Variants in ZNF536 observed in about 807,000 individuals in gnomAD.
The protein encoded by ZNF536 is zinc finger protein 536.
Under a neutral mutation model 84.5 loss-of-function variants are expected in ZNF536, and 13 were observed. That is an observed-to-expected ratio of 0.15 (90% CI 0.10 to 0.24). The LOEUF is 0.24. Ranked by LOEUF, ZNF536 falls within the 10% of genes least tolerant of loss-of-function variation. The pLI, the probability that ZNF536 is intolerant of heterozygous loss-of-function variation, is 1.00. For missense variants in ZNF536, 1,536 were observed against 1,747.5 expected, an observed-to-expected ratio of 0.88 and a Z score of 2.16; for synonymous variants, 811 against 742.5, an observed-to-expected ratio of 1.09 and a Z score of -1.50.
chr19:30,574,532 G>C (rs1338347922), intron 1 of ZNF536, among the ~76,000 whole-genome samples: 1 of 152,252 alleles, frequency 6.6e-6, no homozygotes, highest in East Asian at 1.9e-4. Context: ...CCAAGGTCCA[G>C]CCAAAGACAT....
chr19:30,312,606 GT>G (rs1334818771), intron 2 of ZNF536, among the ~76,000 whole-genome samples: 3 of 152,164 alleles, frequency 2.0e-5, no homozygotes, highest in Non-Finnish European at 4.4e-5. Context: ...AGTATTTTCT[GT>G]CTTTGAAAGA....
At chr19:30,708,078 T>C (rs1292763154) in intron 1 of ZNF536, among the ~76,000 whole-genome samples, 4 of 151,072 alleles carry the variant, frequency 2.6e-5, no homozygotes, top group Non-Finnish European at 5.9e-5. Flanking sequence ...TACAAGAATA[T>C]AATTAATAAT....
chr19:30,556,394 G>C (rs1182841706), intron 4 of ZNF536: 1 of 152,246 alleles, frequency 6.6e-6, no homozygotes, highest in Non-Finnish European at 1.5e-5. Flanking sequence ...ACCTGGAGTG[G>C]GCTCTCCCCA....
At chr19:30,386,258 G>T (rs775321828) in intron 1 of ZNF536, among the ~76,000 whole-genome samples, 2 of 152,210 alleles carry the variant, frequency 1.3e-5, no homozygotes, top group Non-Finnish European at 2.9e-5. Flanking sequence ...CAATTCTCAC[G>T]CTGCTCTGAG....
intron 3 of ZNF536, among the ~76,000 whole-genome samples, chr19:30,359,726 G>C (rs1394939077): frequency 6.6e-6 from 1 of 152,178 alleles, no homozygotes; most frequent in Non-Finnish European, 1.5e-5. Flanking sequence ...GGCTGCTTGG[G>C]AAAACACTTC....
At chr19:30,461,638 C>G (rs1403714783) in intron 2 of ZNF536, among the ~76,000 whole-genome samples, 3 of 152,076 alleles carry the variant, frequency 2.0e-5, no homozygotes, top group African/African-American at 7.3e-5. Flanking sequence ...GGGGAAGAGG[C>G]CCTCTGAGGC....
intron 1 of ZNF536, among the ~76,000 whole-genome samples, chr19:30,400,637 T>C (rs1186240750): frequency 2.0e-5 from 3 of 152,146 alleles, no homozygotes; most frequent in Non-Finnish European, 4.4e-5. Context: ...TCATAGCTCA[T>C]TGCAGCCTTC....
upstream of ZNF536, chr19:30,372,358 CT>C (rs757413000): frequency 2.0e-5 from 3 of 152,394 alleles, no homozygotes; most frequent in East Asian, 1.9e-4. Flanking sequence ...GGAGCCGCCC[CT>C]GGTACTGCCG....
intron 2 of ZNF536, among the ~76,000 whole-genome samples, chr19:30,506,001 T>A (rs73022877): frequency 0.097 from 14,723 of 151,776 alleles, 974 homozygotes; most frequent in Non-Finnish European, 0.15. Context: ...ATCTGTTGAT[T>A]TTTTTTAGAA....
At chr19:30,454,010 G>T (rs1452274425) in intron 2 of ZNF536, among the ~76,000 whole-genome samples, 1 of 152,252 alleles carries the variant, frequency 6.6e-6, no homozygotes, top group Admixed American at 6.5e-5. Context: ...ACGGTGCCCA[G>T]CCAGGAGGCT....
intron 1 of ZNF536, among the ~76,000 whole-genome samples, chr19:30,282,648 C>A (rs1013815101): frequency 2.6e-5 from 4 of 152,120 alleles, no homozygotes; most frequent in Non-Finnish European, 5.9e-5. Flanking sequence ...TAGAGCAAAG[C>A]AAATAAGTGT....
chr19:30,537,433 G>A (rs955646494), intron 3 of ZNF536, among the ~76,000 whole-genome samples: 2 of 152,162 alleles, frequency 1.3e-5, no homozygotes, highest in African/African-American at 4.8e-5. Context: ...TGTATTTCAT[G>A]TCGACACAGA....
At chr19:30,498,238 G>T (rs1036633054) in intron 2 of ZNF536, among the ~76,000 whole-genome samples, 1 of 152,268 alleles carries the variant, frequency 6.6e-6, no homozygotes, top group East Asian at 1.9e-4. Flanking sequence ...CACATATACA[G>T]CATGGAATAC....
intron 1 of ZNF536, among the ~76,000 whole-genome samples, chr19:30,264,130 C>T (rs964141683): frequency 1.3e-5 from 2 of 152,170 alleles, no homozygotes; most frequent in African/African-American, 2.4e-5. Context: ...ACCATGGTGG[C>T]GCTCCCAGCC....
At chr19:30,344,440 CAA>C (rs10628847) in intron 2 of ZNF536, among the ~76,000 whole-genome samples, 901 of 69,094 alleles carry the variant, frequency 0.013, 14 homozygotes, top group African/African-American at 0.049. Context: ...AACTCCATCT[CAA>C]AAAAAAAAAA....
chr19:30,507,547 A>C (rs10416521), intron 2 of ZNF536, among the ~76,000 whole-genome samples: 1 of 152,304 alleles, frequency 6.6e-6, no homozygotes, highest in South Asian at 2.1e-4. Context: ...ACAGAAACTT[A>C]GAGTTTGAAA....
chr19:30,634,644 C>T (rs1359532839), intron 1 of ZNF536, among the ~76,000 whole-genome samples: 1 of 152,100 alleles, frequency 6.6e-6, no homozygotes, highest in African/African-American at 2.4e-5. Context: ...TGTGTTTGTT[C>T]CTGGCTGTGG....
At chr19:30,329,943 T>C (rs1235497456) in intron 2 of ZNF536, among the ~76,000 whole-genome samples, 1 of 152,222 alleles carries the variant, frequency 6.6e-6, no homozygotes, top group Non-Finnish European at 1.5e-5. Context: ...TTGAGCAGAA[T>C]GGACTAAAAT....
chr19:30,439,820 C>G (rs925011062), intron 1 of ZNF536, among the ~76,000 whole-genome samples: 1 of 152,050 alleles, frequency 6.6e-6, no homozygotes, highest in African/African-American at 2.4e-5. Flanking sequence ...TGCTGTGTCT[C>G]CTAGTATTCA....
Sources: gnomAD v4.1 joint callset for allele counts (sites outside exome capture counted in the v4.1 genomes callset) on GRCh38, gnomAD v4.1.1 for gene constraint, MANE v1.5 for transcripts, NCBI Gene and HGNC (gene_info 2026-07-23, HGNC 2026-07-21) for gene names.